Variants in RALYL observed in about 807,000 individuals in gnomAD.
The protein encoded by RALYL is RNA-binding Raly-like protein.
RALYL carries 29 observed loss-of-function variants against 35.1 expected under a neutral mutation model. The observed-to-expected ratio is 0.83, with a 90% CI of 0.61 to 1.13. The LOEUF (loss-of-function observed/expected upper bound fraction) is 1.13. RALYL is among the 50% of genes most tolerant of loss of function. The pLI, the probability that RALYL is intolerant of heterozygous loss-of-function variation, is 0.00. For synonymous variants in RALYL, 120 were observed against 127.6 expected (o/e 0.94, Z 0.40); for missense variants, 359 against 360.4 (o/e 1.00, Z 0.03).
At position 84,887,597 on chromosome 8, in the gene RALYL, C is replaced by CG. The variant is rs1843114718; in HGVS notation, c.686-7_686-6insG. The CG allele has an allele frequency of 1.3e-6, 2 of 1,599,842 alleles. No homozygotes were observed. Among genetic ancestry groups the CG allele is most frequent in the East Asian group, 2.2e-5 (1 of 44,612 alleles). Reference sequence around the variant, plus strand: ...GGTAGTAGTCATTTGCTTTCTCCCCCCCCCAGAAGCTCAGAAGAAGCAATT... The same window carrying CG: ...GGTAGTAGTCATTTGCTTTCTCCCCCGCCCCAGAAGCTCAGAAGAAGCAATT... On this transcript the variant is annotated splice_region_variant and splice_polypyrimidine_tract_variant and intron_variant, in intron 7 of 8. Transcript: ENST00000521268.
chr8:84,430,436 C>A (rs1328518524), intron 1 of RALYL, among the ~76,000 whole-genome samples: 1 of 152,036 alleles, frequency 6.6e-6, no homozygotes, highest in Non-Finnish European at 1.5e-5. Flanking sequence ...TACAATTGTA[C>A]TTTTCTCTTT....
chr8:84,784,213 C>T (rs562436532), intron 3 of RALYL, among the ~76,000 whole-genome samples: 1 of 152,262 alleles, frequency 6.6e-6, no homozygotes, highest in Admixed American at 6.5e-5. Flanking sequence ...TGCAGAGATG[C>T]TTTAGCAGCA....
intron 2 of RALYL, among the ~76,000 whole-genome samples, chr8:84,630,127 A>G (rs1823600490): frequency 6.6e-6 from 1 of 152,030 alleles, no homozygotes; most frequent in South Asian, 2.1e-4. Flanking sequence ...AGCACAACAA[A>G]TGACAAAAAT....
rs958480668 is a variant in RALYL at position 84,764,929 on chromosome 8, C to T, written c.257-9650C>T. 2.0e-5 allele frequency among the ~76,000 whole-genome samples: 3 copies of T among 152,174 alleles called. No homozygotes were observed. The East Asian group carries it at 5.8e-4, about 29-fold the overall frequency. ...TTGGCTCCAATCTCAGATTTTCGCT[C>T]AAAATGCTACAAATGTCCATATTTT... is the stretch of plus-strand genomic sequence containing the variant. On this transcript the variant is annotated intron_variant, in intron 2 of 8. Transcript: ENST00000521268.
chr8:84,771,146 A>G (rs2133532783), intron 2 of RALYL, among the ~76,000 whole-genome samples: 1 of 152,104 alleles, frequency 6.6e-6, no homozygotes, highest in East Asian at 1.9e-4. Context: ...TTTCCAGGGC[A>G]TTATTTTTGT....
At chr8:84,840,845 G>A (rs1331430514) in intron 4 of RALYL, among the ~76,000 whole-genome samples, 1 of 152,136 alleles carries the variant, frequency 6.6e-6, no homozygotes, top group Non-Finnish European at 1.5e-5. Flanking sequence ...TTTCAACTCA[G>A]AATTTCATAT....
At chr8:84,315,778 A>G (rs1843646726) in intron 1 of RALYL, among the ~76,000 whole-genome samples, 1 of 151,950 alleles carries the variant, frequency 6.6e-6, no homozygotes, top group East Asian at 1.9e-4. Flanking sequence ...TAAAATATTT[A>G]ATTTGAGCAA....
At chr8:84,618,268 A>G (rs1401843044) in intron 2 of RALYL, among the ~76,000 whole-genome samples, 2 of 151,920 alleles carry the variant, frequency 1.3e-5, no homozygotes, top group East Asian at 1.9e-4. Context: ...CCACAATTTC[A>G]GAGTCTGTTA....
intron 1 of RALYL, among the ~76,000 whole-genome samples, chr8:84,208,284 T>G (rs909318574): frequency 1.3e-5 from 2 of 152,194 alleles, no homozygotes; most frequent in African/African-American, 4.8e-5. Context: ...TTAATTTCAT[T>G]GACAAACTAC....
chr8:84,833,656 AAAG>A (rs1293667955), intron 4 of RALYL, among the ~76,000 whole-genome samples: 7 of 151,674 alleles, frequency 4.6e-5, no homozygotes, highest in East Asian at 3.9e-4. Flanking sequence ...AAAAAAAAAA[AAAG>A]AAAGAAAGAT....
At chr8:84,372,795 C>T (rs1031655449) in intron 1 of RALYL, among the ~76,000 whole-genome samples, 17 of 150,780 alleles carry the variant, frequency 1.1e-4, no homozygotes, top group African/African-American at 3.4e-4. Flanking sequence ...TGAGGAATCA[C>T]CACACTGCTT....
intron 4 of RALYL, among the ~76,000 whole-genome samples, chr8:84,846,982 T>G (rs1421957690): frequency 6.6e-6 from 1 of 152,222 alleles, no homozygotes; most frequent in Non-Finnish European, 1.5e-5. Flanking sequence ...ATTTTTTTCT[T>G]CTGCTAACTT....
intron 2 of RALYL, among the ~76,000 whole-genome samples, chr8:84,544,222 A>C (rs1434150399): frequency 6.6e-6 from 1 of 151,988 alleles, no homozygotes; most frequent in Non-Finnish European, 1.5e-5. Context: ...AATTTTTTAC[A>C]ACCATATATG....
At position 84,300,985 on chromosome 8, in the gene RALYL, A is replaced by G. The variant is rs1249992548; in HGVS notation, c.-24+116561A>G. Among the ~76,000 whole-genome samples, 3 of 151,968 alleles carry G rather than the reference A, an allele frequency of 2.0e-5. No individual in the cohort carries two copies. In the East Asian group the frequency reaches 5.8e-4, roughly 29 times the overall value. On this transcript the variant is annotated intron_variant, in intron 1 of 8. Transcript: ENST00000521268. ...GTGTAATTACTTTATAGTGTAAATG[A>G]TCTATGTATGTAAGTGTGTTTTTGG...
At chr8:84,897,466 T>C (rs886522061) in intron 8 of RALYL, among the ~76,000 whole-genome samples, 2 of 152,236 alleles carry the variant, frequency 1.3e-5, no homozygotes, top group Non-Finnish European at 2.9e-5. Context: ...TTTGATTGTA[T>C]AGCTCTCAGC....
At chr8:84,420,205 CTGT>C (rs1229365043) in intron 1 of RALYL, among the ~76,000 whole-genome samples, 1 of 152,024 alleles carries the variant, frequency 6.6e-6, no homozygotes, top group Non-Finnish European at 1.5e-5. Context: ...TCTCCAGCAC[CTGT>C]TGTTTCCTGA....
chr8:84,257,633 GT>G (rs1272385332), intron 1 of RALYL, among the ~76,000 whole-genome samples: 1 of 152,078 alleles, frequency 6.6e-6, no homozygotes, highest in Non-Finnish European at 1.5e-5. Flanking sequence ...ATCATGCCTG[GT>G]TTGTGGCCAG....
At chr8:84,655,798 A>AATGAATAATCCT (rs1370555333) in intron 2 of RALYL, among the ~76,000 whole-genome samples, 2 of 152,164 alleles carry the variant, frequency 1.3e-5, no homozygotes, top group Admixed American at 1.3e-4. Context: ...ATATAACTTG[A>AATGAATAATCCT]CAAATAGAAT....
chr8:84,767,926 G>C (rs887245590), intron 2 of RALYL, among the ~76,000 whole-genome samples: 1 of 152,118 alleles, frequency 6.6e-6, no homozygotes, highest in Non-Finnish European at 1.5e-5. Context: ...TATGCCAAAA[G>C]CATTTATTGG....
Sources: gnomAD v4.1 joint callset for allele counts (sites outside exome capture counted in the v4.1 genomes callset) on GRCh38, gnomAD v4.1.1 for gene constraint, MANE v1.5 for transcripts, NCBI Gene and HGNC (gene_info 2026-07-23, HGNC 2026-07-21) for gene names.